Variants in TRIM46 observed in about 807,000 individuals in gnomAD.
TRIM46 encodes the protein tripartite motif containing 46.
Under a neutral mutation model 69.7 loss-of-function variants are expected in TRIM46, and 17 were observed. The observed-to-expected ratio is 0.24, with a 90% CI of 0.17 to 0.37. The LOEUF (loss-of-function observed/expected upper bound fraction) is 0.37, where lower values mean the gene tolerates loss of function less well. TRIM46 is among the 10% of genes least tolerant of loss of function. The pLI, the probability that TRIM46 is intolerant of heterozygous loss-of-function variation, is 1.00. For missense variants in TRIM46, 675 were observed against 1,025.1 expected (o/e 0.66, Z 4.66); for synonymous variants, 391 against 429.0 (o/e 0.91, Z 1.09).
intron 5 of TRIM46, among the ~76,000 whole-genome samples, chr1:155,177,507 G>A (rs894141815): frequency 1.3e-5 from 2 of 152,078 alleles, no homozygotes; most frequent in African/African-American, 2.4e-5. Flanking sequence ...TCAGGAGAGT[G>A]CTCGAAAAAC....
intron 3 of TRIM46, among the ~76,000 whole-genome samples, 185 bp downstream of exon 3, chr1:155,176,416 T>C (rs1441347647): frequency 1.3e-5 from 2 of 152,218 alleles, no homozygotes; most frequent in African/African-American, 4.8e-5. Context: ...CCATCTCATT[T>C]ACATCCCTGT....
Position 155,174,042 on chromosome 1 carries a change from G to T in TRIM46, c.63+13G>T. ...GGTCCGCATCAGTGTGAGTTAAGGT[G>T]GGGTCGAGGGAAGGGGAGGGGGCGT... On this transcript the variant is annotated intron_variant, in intron 1 of 9. Coordinates refer to ENST00000334634, the MANE Select transcript of TRIM46 (RefSeq NM_025058.5). 6.4e-7 allele frequency: 1 copy of T among 1,557,788 alleles called. No homozygotes were observed. The highest frequency in any genetic ancestry group is 2.4e-5 in the East Asian group (1 of 41,468).
chr1:155,178,989 CAA>C (rs1665929362), intron 7 of TRIM46: 3 of 505,676 alleles, frequency 5.9e-6, no homozygotes, highest in Non-Finnish European at 1.0e-5. Flanking sequence ...CCCACTGGAC[CAA>C]TGCCCTGTCT....
intron 8 of TRIM46, 81 bp downstream of exon 8, chr1:155,180,015 C>T (rs1006751614): frequency 8.3e-6 from 12 of 1,441,800 alleles, no homozygotes; most frequent in Admixed American, 5.0e-5. Context: ...TTCCGGTGGC[C>T]GCTAGAGAGG....
At position 155,183,974 on chromosome 1, in the gene TRIM46, AC is replaced by A; in HGVS notation, c.2068del (p.Arg690AlafsTer124). ...CAGCCGGCTGCACAGTGCCCCTGCC[AC>A]CCCGCCTGGGCATCTGCCTGGACTA... ...PTAGCTVPLP[P>X]RLGICLDYER... is the part of the protein sequence containing the mutation. On this transcript the variant is annotated frameshift_variant, in exon 10 of 10. Coordinates refer to ENST00000334634, the MANE Select transcript of TRIM46 (RefSeq NM_025058.5). LOFTEE classifies it high-confidence loss of function. 1 of 1,613,794 alleles carries A rather than the reference AC, an allele frequency of 6.2e-7. No homozygotes were observed.
chr1:155,178,174 G>A lies in TRIM46; in HGVS notation c.1082G>A (p.Gly361Asp). 2 of 1,614,138 alleles carry A rather than the reference G, an allele frequency of 1.2e-6. No homozygotes were observed. Among genetic ancestry groups the A allele is most frequent in the Non-Finnish European group, 1.7e-6 (2 of 1,179,974 alleles). The change falls in exon 6 of 10, where the codon GGT becomes GAT. Residue 361 changes from glycine to aspartate, a missense_variant. By Grantham distance (94) the Gly-to-Asp change is moderately conservative. This residue lies in a region of TRIM46 where 361 missense variants were observed against 498.3 expected (regional missense o/e 0.72). Coordinates refer to ENST00000334634, the MANE Select transcript of TRIM46 (RefSeq NM_025058.5). The part of the protein sequence containing the change: ...QEHRSLLDGS[G>D]LVGYAQEVLK... Reference sequence around the variant, plus strand: ...CACCGGAGCCTGCTGGATGGCTCAGGTCTGGTGGGCTATGCCCAGGAAGTA... The same window carrying A: ...CACCGGAGCCTGCTGGATGGCTCAGATCTGGTGGGCTATGCCCAGGAAGTA...
At position 155,178,593 on chromosome 1, in the gene TRIM46, C is replaced by G; in HGVS notation, c.1265C>G (p.Thr422Arg). 1.2e-6 allele frequency: 2 copies of G among 1,613,864 alleles called. No homozygotes were observed. Among genetic ancestry groups the G allele is most frequent in the Non-Finnish European group, 1.7e-6 (2 of 1,180,004 alleles). ...GTGGGACGTGAGATGAAGCTGCTGA[C>G]AGAGCTTAACTTCCTGCGAGGTAAG... ...LDVGREMKLL[T>R]ELNFLRVPEA... The change falls in exon 7 of 10, where the codon ACA becomes AGA. Residue 422 changes from threonine to arginine, a missense_variant. Physicochemically the swap from Thr to Arg is moderately conservative, Grantham distance 71. This residue lies in a region of TRIM46 where 361 missense variants were observed against 498.3 expected (regional missense o/e 0.72). Transcript: ENST00000334634.
Position 155,181,753 on chromosome 1 carries a change from C to A in TRIM46, c.1589-99C>A. 7.3e-7 allele frequency: 1 copy of A among 1,365,164 alleles called. No homozygotes were observed. 84.6% of individuals were successfully genotyped at this position (1,365,164 alleles called of 1,614,324 possible). ...CCTGCCTGTTCCTGGTGACTGAACCCCCTTGCAACGCGTTCCCTGTTCTGC... is the reference window on the plus strand; with the variant it reads ...CCTGCCTGTTCCTGGTGACTGAACCACCTTGCAACGCGTTCCCTGTTCTGC... On this transcript the variant is annotated intron_variant, in intron 8 of 9. Coordinates refer to ENST00000334634, the MANE Select transcript of TRIM46 (RefSeq NM_025058.5). The surrounding 1 kb of genome is among the most constrained non-coding windows in gnomAD (Gnocchi z 4.3).
chr1:155,182,157 C>T lies in TRIM46; in HGVS notation c.1886+8C>T, dbSNP rs1431594806. ...CGATGTGATCAGCCCCAGGTCAGAC[C>T]CCTCTGGAAGGGATGGGGTGTGGGG... On this transcript the variant is annotated splice_region_variant and intron_variant, in intron 9 of 9. Transcript: ENST00000334634. 6.2e-7 allele frequency: 1 copy of T among 1,612,690 alleles called. No homozygotes were observed. Among genetic ancestry groups the T allele is most frequent in the South Asian group, 1.1e-5 (1 of 90,944 alleles).
Position 155,184,359 on chromosome 1 carries a change from C to A in TRIM46, c.*169C>A, listed in dbSNP as rs1363569507. Reference sequence around the variant, plus strand: ...CCACAGTTTTCTCTTGACCCAGGGGCTCTCTTCTGCCCACCTCTCTGGATG... The same window carrying A: ...CCACAGTTTTCTCTTGACCCAGGGGATCTCTTCTGCCCACCTCTCTGGATG... On this transcript the variant is annotated 3_prime_UTR_variant, in exon 10 of 10. Transcript: ENST00000334634. This position sits in a 1 kb window ranked among gnomAD's most constrained non-coding sequence, Gnocchi z 5.6. 5.4e-5 allele frequency: 40 copies of A among 742,794 alleles called. No individual in the cohort carries two copies. Among genetic ancestry groups the A allele is most frequent in the Non-Finnish European group, 7.9e-5 (37 of 470,830 alleles). 46.0% of individuals were successfully genotyped at this position (742,794 alleles called of 1,614,324 possible).
chr1:155,178,586 C>G lies in TRIM46; in HGVS notation c.1258C>G (p.Leu420Val). 6.2e-7 allele frequency: 1 copy of G among 1,613,968 alleles called. No individual in the cohort carries two copies. The change falls in exon 7 of 10, where the codon CTG (leucine) becomes GTG (valine). Residue 420 changes from leucine (L) to valine (V), a missense_variant. Physicochemically the swap from Leu to Val is conservative, Grantham distance 32. Coordinates refer to ENST00000334634, the MANE Select transcript of TRIM46 (RefSeq NM_025058.5). ...CQLDVGREMK[L>V]LTELNFLRVP... ...GCTCGACGTGGGACGTGAGATGAAG[C>G]TGCTGACAGAGCTTAACTTCCTGCG... is the stretch of plus-strand genomic sequence containing the variant.
intron 7 of TRIM46, chr1:155,178,985 G>T: frequency 1.9e-6 from 1 of 521,652 alleles, no homozygotes. Flanking sequence ...TCCTCCCACT[G>T]GACCAATGCC....
chr1:155,180,076 T>A, intron 8 of TRIM46, 142 bp downstream of exon 8: 2 of 1,020,234 alleles, frequency 2.0e-6, no homozygotes, highest in Non-Finnish European at 2.7e-6. Flanking sequence ...CTAGACTGCT[T>A]GGGTTCAAAT....
Position 155,179,615 on chromosome 1 carries a change from G to A in TRIM46, c.1286-17G>A, listed in dbSNP as rs752368622. ...AGTGGCCAGGCCCTGACTGACACCCGCTGTCTCTTCCAACAGTGCCTGAGG... is the reference window on the plus strand; with the variant it reads ...AGTGGCCAGGCCCTGACTGACACCCACTGTCTCTTCCAACAGTGCCTGAGG... On this transcript the variant is annotated splice_polypyrimidine_tract_variant and intron_variant, in intron 7 of 9. Coordinates refer to ENST00000334634, the MANE Select transcript of TRIM46 (RefSeq NM_025058.5). 9 of 1,572,136 alleles carry A rather than the reference G, an allele frequency of 5.7e-6. No homozygotes were observed. Among genetic ancestry groups the A allele is most frequent in the South Asian group, 2.3e-5 (2 of 85,638 alleles).
intron 1 of TRIM46, chr1:155,174,891 G>C: frequency 7.1e-7 from 1 of 1,408,708 alleles, no homozygotes; most frequent in Non-Finnish European, 9.2e-7. Context: ...GTGGCCGCAG[G>C]CCGGAGCTGC....
chr1:155,181,681 C>T lies in TRIM46; in HGVS notation c.1589-171C>T, dbSNP rs533291182. 0.012 allele frequency among the ~76,000 whole-genome samples: 1,813 copies of T among 151,640 alleles called. 17 individuals carry two copies. The highest frequency in any genetic ancestry group is 0.054 in the Middle Eastern group (16 of 294). ...CATTTGGAATGCCCCCTTCTTTTTT[C>T]CTCATGCCCCCCATTCCAGTTTCCC... On this transcript the variant is annotated intron_variant, in intron 8 of 9. Transcript: ENST00000334634. The surrounding 1 kb of genome is among the most constrained non-coding windows in gnomAD (Gnocchi z 4.3).
At chr1:155,174,783 G>T in intron 1 of TRIM46, 2 of 1,463,838 alleles carry the variant, frequency 1.4e-6, no homozygotes, top group Admixed American at 2.4e-5. Flanking sequence ...CGCTGACCGG[G>T]TTGCGCTGCG....
chr1:155,184,090 C>G lies in TRIM46; in HGVS notation c.2180C>G (p.Ala727Gly). Residue 727 changes from alanine (A) to glycine (G), a missense_variant, in exon 10 of 10, where the codon GCC becomes GGC. Ala to Gly is a moderately conservative substitution (Grantham distance 60, BLOSUM62 0). Transcript: ENST00000334634. This position sits in a 1 kb window ranked among gnomAD's most constrained non-coding sequence, Gnocchi z 5.6. ...PLDCSGPVCP[A>G]FCFIGGGAVQ... is the part of the protein sequence containing the mutation. ...GACTGCTCAGGGCCTGTGTGCCCTG[C>G]CTTTTGCTTCATCGGGGGTGGCGCA... 6.2e-7 allele frequency: 1 copy of G among 1,614,078 alleles called. No individual in the cohort carries two copies. Among genetic ancestry groups the G allele is most frequent in the Non-Finnish European group, 8.5e-7 (1 of 1,180,032 alleles).
intron 9 of TRIM46, among the ~76,000 whole-genome samples, chr1:155,183,262 C>A (rs1343918607): frequency 2.6e-5 from 4 of 152,002 alleles, no homozygotes; most frequent in Non-Finnish European, 5.9e-5. Context: ...TAAGCCTTCT[C>A]CCCAGCACTC....
Sources: allele counts gnomAD v4.1 joint callset (sites outside exome capture counted in the v4.1 genomes callset), GRCh38; gene constraint gnomAD v4.1.1; regional missense constraint gnomAD v4.1.1; non-coding constraint Gnocchi (gnomAD v3.1); transcripts MANE v1.5; gene names NCBI Gene and HGNC (gene_info 2026-07-23, HGNC 2026-07-21).